COL19A1: variants seen among roughly 807,000 people sequenced by gnomAD.
The protein encoded by COL19A1 is collagen alpha-1(XIX) chain.
COL19A1 carries 159 observed loss-of-function variants against 190.2 expected under a neutral mutation model. The ratio of observed to expected loss-of-function variants is 0.84; its 90% CI spans 0.73 to 0.95. The LOEUF (loss-of-function observed/expected upper bound fraction) is 0.95, where lower values mean the gene tolerates loss of function less well. Among genes scored for constraint, COL19A1 ranks in the 40% least tolerant of loss-of-function variants. The pLI is 0.00. For missense variants in COL19A1, 1,418 were observed against 1,431.9 expected, an observed-to-expected ratio of 0.99 and a Z score of 0.16; for synonymous variants, 509 against 458.9, an observed-to-expected ratio of 1.11 and a Z score of -1.39.
chr6:69,921,319 A>AT (rs1203932214), intron 4 of COL19A1, among the ~76,000 whole-genome samples: 19 of 123,226 alleles, frequency 1.5e-4, no homozygotes, highest in South Asian at 2.4e-4. Context: ...TATATCATAT[A>AT]ATCATATATC....
rs79922889 is a variant in COL19A1, at chr6:69,986,558, A to G, written c.1026+23688A>G. On this transcript the variant is annotated intron_variant, in intron 11 of 50. Coordinates refer to ENST00000620364, the MANE Select transcript of COL19A1 (RefSeq NM_001858.6). ...TAAACTCTCTTAGAGATGGTTGCAT[A>G]ACAACTAAAGTTTGAGAGCAGTTAT... Among the ~76,000 whole-genome samples the G allele has an allele frequency of 1.8e-3, 269 of 152,318 alleles. 4 individuals carry two copies. In the East Asian group the frequency reaches 0.04, roughly 23 times the overall value.
At chr6:69,936,983 T>C in intron 8 of COL19A1, 73 bp downstream of exon 8, 1 of 1,560,832 alleles carries the variant, frequency 6.4e-7, no homozygotes, top group South Asian at 1.2e-5. Flanking sequence ...ATGTGGCCTC[T>C]GTTCACAGAA....
intron 16 of COL19A1, among the ~76,000 whole-genome samples, chr6:70,118,842 G>A (rs974461891): frequency 2.4e-5 from 2 of 84,974 alleles, no homozygotes; most frequent in African/African-American, 1.1e-4. Context: ...TTTTTAGAGG[G>A]AGCAGCTGCA....
At chr6:69,962,629 A>G (rs530363894) in intron 10 of COL19A1, among the ~76,000 whole-genome samples, 197 bp from the exon 11 acceptor site, 6 of 152,310 alleles carry the variant, frequency 3.9e-5, no homozygotes, top group African/African-American at 1.4e-4. Context: ...TGTAACTTAT[A>G]CCCTAGAAAA....
chr6:69,879,206 G>A (rs772664954), intron 1 of COL19A1, among the ~76,000 whole-genome samples: 2 of 152,082 alleles, frequency 1.3e-5, no homozygotes, highest in Non-Finnish European at 2.9e-5. Flanking sequence ...TTTATATTGT[G>A]TGTATTTGAC....
In COL19A1 at chr6:70,017,939, G is replaced by A. The variant is rs527753212; in HGVS notation, c.1027-5688G>A. 2.6e-5 allele frequency among the ~76,000 whole-genome samples: 4 copies of A among 152,226 alleles called. No individual in the cohort carries two copies. In the East Asian group the frequency reaches 7.7e-4, roughly 29 times the overall value. On this transcript the variant is annotated intron_variant, in intron 11 of 50. Coordinates refer to ENST00000620364, the MANE Select transcript of COL19A1 (RefSeq NM_001858.6). ...TGAGTGGGAGTAATGAATGCAAACA[G>A]GAGTATTGGGAGCCTGGCTCAAGAA...
intron 11 of COL19A1, among the ~76,000 whole-genome samples, chr6:70,000,671 G>C (rs960147250): frequency 6.6e-6 from 1 of 152,172 alleles, no homozygotes; most frequent in Non-Finnish European, 1.5e-5. Context: ...GTCTTCTTTT[G>C]AGAAGTGTCT....
At chr6:69,996,884 T>C (rs1318055138) in intron 11 of COL19A1, among the ~76,000 whole-genome samples, 1 of 151,754 alleles carries the variant, frequency 6.6e-6, no homozygotes, top group African/African-American at 2.4e-5. Context: ...TCTACCTTGT[T>C]AGACTGTACA....
intron 40 of COL19A1, among the ~76,000 whole-genome samples, chr6:70,169,435 C>A (rs893846771): frequency 4.4e-4 from 67 of 152,134 alleles, no homozygotes; most frequent in African/African-American, 1.6e-3. Flanking sequence ...AAAACACTTT[C>A]CATTGCCATG....
At chr6:70,131,437 TTGA>T (rs1390607591) in intron 18 of COL19A1, among the ~76,000 whole-genome samples, 1 of 152,176 alleles carries the variant, frequency 6.6e-6, no homozygotes. Flanking sequence ...TTCTTACAGA[TTGA>T]TGATTGAAAA....
intron 2 of COL19A1, among the ~76,000 whole-genome samples, chr6:69,888,855 G>C (rs1047733139): frequency 1.4e-5 from 2 of 143,634 alleles, no homozygotes; most frequent in Admixed American, 7.0e-5. Flanking sequence ...TTTTATTCTT[G>C]TCCAGTGTTA....
intron 46 of COL19A1, among the ~76,000 whole-genome samples, chr6:70,187,285 C>T (rs1726185176): frequency 3.9e-5 from 6 of 152,084 alleles, no homozygotes; most frequent in Admixed American, 1.3e-4. Flanking sequence ...CCCTTCTCAC[C>T]ATCCCGTGGG....
chr6:69,943,390 T>C (rs542781828), intron 9 of COL19A1, among the ~76,000 whole-genome samples: 1 of 152,254 alleles, frequency 6.6e-6, no homozygotes, highest in African/African-American at 2.4e-5. Flanking sequence ...TCCTTTGCTG[T>C]ACAAAAGCTT....
At chr6:69,895,763 T>A (rs140514735) in intron 2 of COL19A1, among the ~76,000 whole-genome samples, 2 of 152,364 alleles carry the variant, frequency 1.3e-5, no homozygotes, top group East Asian at 3.9e-4. Context: ...TATTTAATAT[T>A]ATATCTGTGA....
chr6:69,921,536 A>G (rs1771930602), intron 4 of COL19A1, among the ~76,000 whole-genome samples: 1 of 138,886 alleles, frequency 7.2e-6, no homozygotes. Context: ...ATATTCATGT[A>G]TATTCATATA....
Position 70,006,905 on chromosome 6 carries a change from A to G in COL19A1, c.1027-16722A>G, listed in dbSNP as rs76665987. Among the ~76,000 whole-genome samples the G allele has an allele frequency of 3.6e-4, 55 of 152,240 alleles. No individual in the cohort carries two copies. The East Asian group carries it at 0.01, about 29-fold the overall frequency. On this transcript the variant is annotated intron_variant, in intron 11 of 50. Coordinates refer to ENST00000620364, the MANE Select transcript of COL19A1 (RefSeq NM_001858.6). Reference sequence around the variant, plus strand: ...ATAGATTATGATAAAGTAAAGATGCATATTGTATAATCACTTTAAAAATTT... The same window carrying G: ...ATAGATTATGATAAAGTAAAGATGCGTATTGTATAATCACTTTAAAAATTT...
At chr6:69,891,006 C>G in intron 2 of COL19A1, 1 of 339,040 alleles carries the variant, frequency 2.9e-6, no homozygotes, top group South Asian at 2.7e-5. Flanking sequence ...CTAAGGGTTC[C>G]TAGCAGAAGG....
At chr6:69,984,466 C>T (rs906040117) in intron 11 of COL19A1, among the ~76,000 whole-genome samples, 1 of 152,088 alleles carries the variant, frequency 6.6e-6, no homozygotes, top group African/African-American at 2.4e-5. Flanking sequence ...TATTGCCACC[C>T]TCTTTCCTCT....
chr6:69,927,617 T>A (rs560391979), intron 4 of COL19A1, among the ~76,000 whole-genome samples: 1 of 152,352 alleles, frequency 6.6e-6, no homozygotes, highest in East Asian at 1.9e-4. Flanking sequence ...GATAAATCTC[T>A]ACTGTTTGTC....
Sources: gnomAD v4.1 joint callset for allele counts (sites outside exome capture counted in the v4.1 genomes callset) on GRCh38, gnomAD v4.1.1 for gene constraint, MANE v1.5 for transcripts, NCBI Gene and HGNC (gene_info 2026-07-23, HGNC 2026-07-21) for gene names.